The following RIMS3 variants were observed in gnomAD, a reference collection of about 807,000 sequenced individuals.
The protein encoded by RIMS3 is regulating synaptic membrane exocytosis protein 3.
A neutral mutation model predicts 29.2 loss-of-function variants in RIMS3; 15 were observed. The observed-to-expected ratio is 0.51, with a 90% CI of 0.34 to 0.79. The LOEUF (loss-of-function observed/expected upper bound fraction) is 0.79. Among genes scored for constraint, RIMS3 ranks in the 30% least tolerant of loss-of-function variants. The pLI, the probability that RIMS3 is intolerant of heterozygous loss-of-function variation, is 0.01. For synonymous variants in RIMS3, 161 were observed against 170.1 expected (o/e 0.95, Z 0.41); for missense variants, 342 against 421.4 (o/e 0.81, Z 1.65).
In RIMS3 at chr1:40,623,696, AC is replaced by A; in HGVS notation, c.*2820del. 1 of 321,330 alleles carries A rather than the reference AC, an allele frequency of 3.1e-6. No individual in the cohort carries two copies. Among genetic ancestry groups the A allele is most frequent in the South Asian group, 2.3e-4 (1 of 4,268 alleles). The allele number at this position is 321,330 out of a possible 1,614,324, so 19.9% of individuals were successfully genotyped here. A position where few individuals can be genotyped will look rare whatever the true frequency, so the allele number is the denominator to read the frequency against. On this transcript the variant is annotated 3_prime_UTR_variant, in exon 8 of 8. Transcript: ENST00000372684. ...GTCCTCAAACAGCAGATGCTCCCCC[AC>A]CCCAGCAAACAACCAGGAGTTACAC...
intron 1 of RIMS3, among the ~76,000 whole-genome samples, chr1:40,650,132 C>G (rs899114906): frequency 6.6e-6 from 1 of 152,140 alleles, no homozygotes; most frequent in African/African-American, 2.4e-5. Context: ...TCAGAACACA[C>G]AAGGGTAAGG....
At chr1:40,691,859 T>C in the RIMS3 span, 2 of 418,940 alleles carry the variant, frequency 4.8e-6, no homozygotes, top group Middle Eastern at 3.4e-4. Context: ...CCTGGACTCC[T>C]GAGCAGAGGT....
Position 40,626,051 on chromosome 1 carries a change from CA to C in RIMS3, c.*465del. The C allele has an allele frequency of 5.1e-6, 1 of 195,852 alleles. No homozygotes were observed. Among genetic ancestry groups the C allele is most frequent in the Admixed American group, 5.3e-5 (1 of 18,842 alleles). The allele number at this position is 195,852 out of a possible 1,614,324, so 12.1% of individuals were successfully genotyped here. A position where few individuals can be genotyped will look rare whatever the true frequency, so the allele number is the denominator to read the frequency against. Reference sequence around the variant, plus strand: ...AGAGCCGGGAGAGTCAAGAGTGGAACAAAAGACAAGACAGAAAACAAAGCAG... The same window carrying C: ...AGAGCCGGGAGAGTCAAGAGTGGAACAAAGACAAGACAGAAAACAAAGCAG... On this transcript the variant is annotated 3_prime_UTR_variant, in exon 8 of 8. Coordinates refer to ENST00000372684, the MANE Select transcript of RIMS3 (RefSeq NM_014747.3).
upstream of RIMS3, among the ~76,000 whole-genome samples, chr1:40,670,312 G>A (rs1284474900): frequency 1.3e-5 from 2 of 151,722 alleles, no homozygotes; most frequent in African/African-American, 4.8e-5. Context: ...TAGATGCTAT[G>A]GGAGGGACTG....
In RIMS3 at chr1:40,626,208, C is replaced by G; in HGVS notation, c.*309G>C. Reference sequence around the variant, plus strand: ...CTCCTCAGGGTGAGTCATGTCCACACAACACTCCTTTGGGTTTCTTTTCAA... The same window carrying G: ...CTCCTCAGGGTGAGTCATGTCCACAGAACACTCCTTTGGGTTTCTTTTCAA... On this transcript the variant is annotated 3_prime_UTR_variant, in exon 8 of 8. Transcript: ENST00000372684. The G allele has an allele frequency of 2.3e-6, 1 of 432,212 alleles. No homozygotes were observed. The highest frequency in any genetic ancestry group is 4.3e-6 in the Non-Finnish European group (1 of 230,284). 26.8% of individuals were successfully genotyped at this position (432,212 alleles called of 1,614,324 possible). A position where few individuals can be genotyped will look rare whatever the true frequency, so the allele number is the denominator to read the frequency against.
chr1:40,647,451 T>G (rs1646603160), intron 2 of RIMS3, among the ~76,000 whole-genome samples: 1 of 152,218 alleles, frequency 6.6e-6, no homozygotes. Flanking sequence ...AAACAGCTCA[T>G]GAGCTAAAAC....
At chr1:40,680,663 C>T in the RIMS3 span, among the ~76,000 whole-genome samples, 1 of 152,112 alleles carries the variant, frequency 6.6e-6, no homozygotes, top group East Asian at 1.9e-4. Context: ...AGCCAGTACA[C>T]ATGTCTATGT....
At chr1:40,647,932 CT>C (rs1183696461) in intron 1 of RIMS3, 90 bp from the exon 2 acceptor site, 1 of 152,214 alleles carries the variant, frequency 6.6e-6, no homozygotes, top group Admixed American at 6.5e-5. Context: ...AAAAGATAGA[CT>C]TTGAAGAAGC....
At chr1:40,648,133 A>AC (rs1335163721) in intron 1 of RIMS3, among the ~76,000 whole-genome samples, 1 of 152,000 alleles carries the variant, frequency 6.6e-6, no homozygotes, top group Non-Finnish European at 1.5e-5. Flanking sequence ...GGAGCTCTAG[A>AC]CCCTATCCTT....
chr1:40,626,972 C>T (rs1482732775), intron 7 of RIMS3, among the ~76,000 whole-genome samples: 9 of 152,312 alleles, frequency 5.9e-5, no homozygotes, highest in Non-Finnish European at 2.9e-5. Context: ...TGCTCTGTAT[C>T]ATTATTTCCA....
chr1:40,684,283 T>C, the RIMS3 span, among the ~76,000 whole-genome samples: 1 of 152,246 alleles, frequency 6.6e-6, no homozygotes, highest in East Asian at 1.9e-4. Flanking sequence ...TCTGTCTCCC[T>C]CTCTGTCTGA....
At chr1:40,629,507 G>A in intron 5 of RIMS3, 135 bp from the exon 6 acceptor site, 1 of 756,352 alleles carries the variant, frequency 1.3e-6, no homozygotes, top group Non-Finnish European at 2.4e-6. Context: ...CAACCACATG[G>A]GCCAAAACTG....
At chr1:40,642,048 AGT>A (rs1646562358) in intron 2 of RIMS3, 92 bp from the exon 3 acceptor site, 2 of 764,658 alleles carry the variant, frequency 2.6e-6, no homozygotes, top group Non-Finnish European at 4.5e-6. Flanking sequence ...ACCTTGGGCT[AGT>A]CACTTGACCT....
rs1157883553 is a variant in RIMS3, at chr1:40,625,954, G to C, written c.*563C>G. 5.9e-6 allele frequency: 1 copy of C among 170,260 alleles called. No individual in the cohort carries two copies. The highest frequency in any genetic ancestry group is 1.3e-5 in the Non-Finnish European group (1 of 77,888). The allele number at this position is 170,260 out of a possible 1,614,324, so 10.5% of individuals were successfully genotyped here. On this transcript the variant is annotated 3_prime_UTR_variant, in exon 8 of 8. Transcript: ENST00000372684. ...GAAGAGCTGCCGGAGCGGCTCCAGT[G>C]GGGTGGGGTTCCCAGAGGGCCCTCA...
intron 2 of RIMS3, among the ~76,000 whole-genome samples, chr1:40,647,058 T>C (rs1386090611): frequency 6.6e-6 from 1 of 151,988 alleles, no homozygotes; most frequent in African/African-American, 2.4e-5. Context: ...TTTTTGTATT[T>C]TTAGTAGAGA....
At chr1:40,667,764 G>C (rs546483676), upstream of RIMS3, among the ~76,000 whole-genome samples, 1 of 152,190 alleles carries the variant, frequency 6.6e-6, no homozygotes, top group Non-Finnish European at 1.5e-5. Flanking sequence ...AGCAGGACTA[G>C]ACCGATCTGT....
At chr1:40,676,445 T>A in the RIMS3 span, among the ~76,000 whole-genome samples, 1 of 152,216 alleles carries the variant, frequency 6.6e-6, no homozygotes, top group African/African-American at 2.4e-5. Context: ...CACCTGGCTT[T>A]GAACCTGAGA....
intron 1 of RIMS3, among the ~76,000 whole-genome samples, chr1:40,650,366 G>C (rs1646623832): frequency 6.6e-6 from 1 of 152,216 alleles, no homozygotes; most frequent in African/African-American, 2.4e-5. Context: ...GGAGGAGCCA[G>C]CCTACAAAGC....
At chr1:40,665,926 C>A (rs192890766), upstream of RIMS3, among the ~76,000 whole-genome samples, 1 of 152,188 alleles carries the variant, frequency 6.6e-6, no homozygotes, top group Non-Finnish European at 1.5e-5. Flanking sequence ...CCGGCCTCCC[C>A]TCTCCACCAC....
Sources: gnomAD v4.1 joint callset for allele counts (sites outside exome capture counted in the v4.1 genomes callset) on GRCh38, gnomAD v4.1.1 for gene constraint, MANE v1.5 for transcripts, NCBI Gene and HGNC (gene_info 2026-07-23, HGNC 2026-07-21) for gene names.